The following BMERB1 variants were observed in gnomAD, a reference collection of about 807,000 sequenced individuals.
The protein encoded by BMERB1 is bMERB domain-containing protein 1.
In BMERB1, 12 loss-of-function variants were observed where a neutral mutation model predicts 23.6. The observed-to-expected ratio is 0.51, with a 90% CI of 0.33 to 0.82. BMERB1 has a LOEUF of 0.82. Among genes scored for constraint, BMERB1 ranks in the 40% least tolerant of loss-of-function variants. BMERB1 has a pLI of 0.03. For synonymous variants in BMERB1, 122 were observed against 96.6 expected (o/e 1.26, Z -1.54); for missense variants, 247 against 255.4 (o/e 0.97, Z 0.22).
intron 2 of BMERB1, 57 bp downstream of exon 2, chr16:15,515,485 C>G: frequency 1.3e-6 from 2 of 1,574,532 alleles, no homozygotes; most frequent in Non-Finnish European, 1.7e-6. Flanking sequence ...AGAGGAAAAC[C>G]TAATATTTGT....
intron 1 of BMERB1, among the ~76,000 whole-genome samples, chr16:15,476,320 AC>A (rs552427723): frequency 1.6e-3 from 243 of 151,760 alleles, no homozygotes; most frequent in African/African-American, 5.6e-3. Flanking sequence ...CCACCACCAT[AC>A]CCGGCTAATT....
intron 2 of BMERB1, among the ~76,000 whole-genome samples, chr16:15,523,043 G>A (rs1156637579): frequency 6.6e-6 from 1 of 152,162 alleles, no homozygotes; most frequent in Non-Finnish European, 1.5e-5. Context: ...ATTGAGTGGA[G>A]GTAGCTCTCA....
chr16:15,434,727 A>C lies in BMERB1; in HGVS notation c.74A>C (p.Glu25Ala). Residue 25 changes from glutamate to alanine, a missense_variant, in exon 1 of 6, where the codon GAG (glutamate) becomes GCG (alanine). Physicochemically the swap from Glu to Ala is moderately radical, Grantham distance 107. Transcript: ENST00000300006. Reference sequence around the variant, plus strand: ...CTGAGGCGCTATGGGGCGGTGGAGGAGACGGCTTGGAAAACGGAGAGACTG... The same window carrying C: ...CTGAGGCGCTATGGGGCGGTGGAGGCGACGGCTTGGAAAACGGAGAGACTG... ...KPLRRYGAVE[E>A]TAWKTERLGR... 7.0e-7 allele frequency: 1 copy of C among 1,434,486 alleles called. No individual in the cohort carries two copies. The highest frequency in any genetic ancestry group is 1.1e-5 in the South Asian group (1 of 88,712). The allele number at this position is 1,434,486 out of a possible 1,614,324, so 88.9% of individuals were successfully genotyped here.
chr16:15,551,927 C>G (rs2030103845), intron 2 of BMERB1, among the ~76,000 whole-genome samples: 2 of 152,116 alleles, frequency 1.3e-5, no homozygotes, highest in South Asian at 4.1e-4. Flanking sequence ...CTCGGCCTCC[C>G]TTAGTTCTGG....
At chr16:15,495,249 G>C (rs979518027) in intron 1 of BMERB1, among the ~76,000 whole-genome samples, 2 of 151,054 alleles carry the variant, frequency 1.3e-5, no homozygotes, top group Non-Finnish European at 1.5e-5. Flanking sequence ...TCTGTTGCCT[G>C]TTGCCAGGCT....
intron 1 of BMERB1, among the ~76,000 whole-genome samples, chr16:15,494,817 T>G (rs2051457618): frequency 6.6e-6 from 1 of 152,080 alleles, no homozygotes; most frequent in Admixed American, 6.6e-5. Context: ...ATGATCTTAT[T>G]GGAGCCTTAA....
intron 2 of BMERB1, among the ~76,000 whole-genome samples, chr16:15,547,902 C>G (rs1412935771): frequency 6.6e-6 from 1 of 152,148 alleles, no homozygotes; most frequent in Non-Finnish European, 1.5e-5. Context: ...CACGTAGTGC[C>G]CACCTCAAAC....
chr16:15,455,867 C>T (rs1451665673), intron 1 of BMERB1, among the ~76,000 whole-genome samples: 2 of 152,176 alleles, frequency 1.3e-5, no homozygotes, highest in Non-Finnish European at 2.9e-5. Flanking sequence ...AGCCAGGAAA[C>T]CTTGGCCTGA....
intron 2 of BMERB1, among the ~76,000 whole-genome samples, chr16:15,551,819 G>A (rs536119066): frequency 7.9e-5 from 12 of 152,270 alleles, no homozygotes; most frequent in Non-Finnish European, 1.5e-4. Context: ...CTTACGTGGC[G>A]GCAGGAGAGA....
At chr16:15,568,922 AATGCTAGTCCC>A (rs1321564944) in intron 3 of BMERB1, among the ~76,000 whole-genome samples, 2 of 152,022 alleles carry the variant, frequency 1.3e-5, no homozygotes, top group Non-Finnish European at 1.5e-5. Flanking sequence ...CCCTTATCAA[AATGCTAGTCCC>A]AGGCCAGGCA....
intron 2 of BMERB1, among the ~76,000 whole-genome samples, chr16:15,532,704 C>T (rs1300818300): frequency 2.6e-5 from 4 of 151,854 alleles, no homozygotes; most frequent in Non-Finnish European, 5.9e-5. Context: ...TGCCACCATG[C>T]CCGGCTAATT....
intron 2 of BMERB1, among the ~76,000 whole-genome samples, chr16:15,520,439 A>G (rs1482881303): frequency 6.7e-6 from 1 of 150,044 alleles, no homozygotes; most frequent in Non-Finnish European, 1.5e-5. Flanking sequence ...ACTTTTCTGT[A>G]CCATTGAAAC....
At position 15,584,223 on chromosome 16, in the gene BMERB1, T is replaced by C. The variant is rs548131617; in HGVS notation, c.502+985T>C. On this transcript the variant is annotated intron_variant, in intron 5 of 5. Coordinates refer to ENST00000300006, the MANE Select transcript of BMERB1 (RefSeq NM_033201.3). Reference sequence around the variant, plus strand: ...CTTTGTTGACCCAGCGTTTCTCAAATGTGTTTAACTGCTGTATTAGTGAGG... The same window carrying C: ...CTTTGTTGACCCAGCGTTTCTCAAACGTGTTTAACTGCTGTATTAGTGAGG... The C allele has an allele frequency of 3.1e-4, 181 of 577,214 alleles. 1 individual carries two copies. The highest frequency in any genetic ancestry group is 3.1e-3 in the African/African-American group (164 of 53,200). 35.8% of individuals were successfully genotyped at this position (577,214 alleles called of 1,614,324 possible). A position where few individuals can be genotyped will look rare whatever the true frequency, so the allele number is the denominator to read the frequency against.
Position 15,506,732 on chromosome 16 carries a change from G to A in BMERB1, c.107-8573G>A, listed in dbSNP as rs566492149. Among the ~76,000 whole-genome samples the A allele has an allele frequency of 3.4e-3, 516 of 151,522 alleles. 3 individuals are homozygous for A. The highest frequency in any genetic ancestry group is 5.2e-3 in the Non-Finnish European group (353 of 67,926). ...AAAAAGAATAGGGATGTATCACAAT[G>A]TAACACATGGTTGCGTTTCTTCCTT... On this transcript the variant is annotated intron_variant, in intron 1 of 5. Transcript: ENST00000300006.
chr16:15,517,876 T>C (rs1426990087), intron 2 of BMERB1, among the ~76,000 whole-genome samples: 2 of 129,056 alleles, frequency 1.5e-5, no homozygotes, highest in African/African-American at 8.9e-5. Context: ...TGTGTGTGGG[T>C]GTGTGGATGT....
intron 1 of BMERB1, among the ~76,000 whole-genome samples, chr16:15,503,492 G>A (rs1205711082): frequency 5.5e-5 from 8 of 144,606 alleles, no homozygotes; most frequent in East Asian, 2.0e-4. Flanking sequence ...TAGAGACGGC[G>A]TTTCACCGTG....
chr16:15,556,134 C>T (rs1194000732), intron 2 of BMERB1, among the ~76,000 whole-genome samples: 9 of 151,324 alleles, frequency 5.9e-5, no homozygotes, highest in Non-Finnish European at 8.8e-5. Flanking sequence ...GCCAAGATCC[C>T]GCCATTGCAC....
intron 2 of BMERB1, among the ~76,000 whole-genome samples, chr16:15,556,566 CATCTT>C (rs1447104546): frequency 2.0e-5 from 3 of 152,100 alleles, no homozygotes; most frequent in Admixed American, 1.3e-4. Flanking sequence ...CTAAACCCCT[CATCTT>C]ATTTATTTAT....
intron 1 of BMERB1, among the ~76,000 whole-genome samples, chr16:15,455,323 C>A (rs1464187217): frequency 2.7e-3 from 331 of 122,444 alleles, no homozygotes; most frequent in Admixed American, 3.9e-3. Flanking sequence ...GACTCTGTCT[C>A]AAAAAAAAAA....
Sources: allele counts gnomAD v4.1 joint callset (sites outside exome capture counted in the v4.1 genomes callset), GRCh38; gene constraint gnomAD v4.1.1; transcripts MANE v1.5; gene names NCBI Gene and HGNC (gene_info 2026-07-23, HGNC 2026-07-21).